Variants in DMXL1 observed in about 807,000 individuals in gnomAD.
DMXL1 encodes Dmx like 1, also known as dmX-like protein 1.
DMXL1 carries 99 observed loss-of-function variants against 319.2 expected under a neutral mutation model. The observed-to-expected ratio is 0.31, with a 90% CI of 0.26 to 0.37. DMXL1 has a LOEUF of 0.37. Among genes scored for constraint, DMXL1 ranks in the 10% least tolerant of loss-of-function variants. DMXL1 has a pLI of 1.00. For synonymous variants in DMXL1, 1,385 were observed against 1,235.2 expected (o/e 1.12, Z -2.54); for missense variants, 3,745 against 3,595.6 (o/e 1.04, Z -1.06).
intron 41 of DMXL1, 105 bp downstream of exon 41, chr5:119,239,185 CA>C (rs1244826715): frequency 3.4e-6 from 4 of 1,176,004 alleles, no homozygotes; most frequent in Middle Eastern, 2.3e-4. Context: ...GCTTTAGATA[CA>C]GTATTTTTAT....
intron 1 of DMXL1, among the ~76,000 whole-genome samples, chr5:119,091,713 CTAAAGTGAGGAGAT>C (rs1754835576): frequency 1.3e-5 from 2 of 152,106 alleles, no homozygotes; most frequent in African/African-American, 4.8e-5. Flanking sequence ...GCTGCCGTTC[CTAAAGTGAGGAGAT>C]CCCACAGGAG....
intron 34 of DMXL1, among the ~76,000 whole-genome samples, 160 bp downstream of exon 34, chr5:119,207,056 T>G (rs1048986628): frequency 6.6e-6 from 1 of 152,226 alleles, no homozygotes; most frequent in Admixed American, 6.5e-5. Context: ...ATACTGCAGT[T>G]GTAAAAGTGG....
At chr5:119,135,126 A>C (rs1462476686) in intron 13 of DMXL1, among the ~76,000 whole-genome samples, 1 of 152,194 alleles carries the variant, frequency 6.6e-6, no homozygotes, top group Non-Finnish European at 1.5e-5. Flanking sequence ...TGCAGAACAC[A>C]AGGTTTTCCA....
chr5:119,120,211 G>C (rs1761746686), intron 8 of DMXL1, among the ~76,000 whole-genome samples: 1 of 152,180 alleles, frequency 6.6e-6, no homozygotes, highest in Admixed American at 6.6e-5. Context: ...GAAAACAGAA[G>C]TGATTTTGAA....
At chr5:119,210,874 C>G (rs1304210910) in intron 34 of DMXL1, among the ~76,000 whole-genome samples, 1 of 144,058 alleles carries the variant, frequency 6.9e-6, no homozygotes, top group East Asian at 2.2e-4. Context: ...GGAAAGCAGT[C>G]TTTTATTATT....
At chr5:119,082,725 A>T (rs906007735) in intron 1 of DMXL1, among the ~76,000 whole-genome samples, 1 of 152,244 alleles carries the variant, frequency 6.6e-6, no homozygotes, top group African/African-American at 2.4e-5. Flanking sequence ...TGCTAGAACT[A>T]TTTGAATTCG....
At position 119,208,801 on chromosome 5, in the gene DMXL1, C is replaced by T. The variant is rs572231350; in HGVS notation, c.7926+1905C>T. On this transcript the variant is annotated intron_variant, in intron 34 of 43. Coordinates refer to ENST00000539542, the MANE Select transcript of DMXL1 (RefSeq NM_001290321.3). ...TACACTAGCGAAGCCATCACCACAACCAGGATAATGATTATATCCATCAGT... is the reference window on the plus strand; with the variant it reads ...TACACTAGCGAAGCCATCACCACAATCAGGATAATGATTATATCCATCAGT... Among the ~76,000 whole-genome samples the T allele has an allele frequency of 2.2e-4, 34 of 152,288 alleles. No individual in the cohort carries two copies. The East Asian group carries it at 6.2e-3, about 28-fold the overall frequency.
Position 119,244,421 on chromosome 5 carries a change from A to G in DMXL1, c.8767A>G (p.Ile2923Val). 6.2e-7 allele frequency: 1 copy of G among 1,614,162 alleles called. No homozygotes were observed. Among genetic ancestry groups the G allele is most frequent in the Non-Finnish European group, 8.5e-7 (1 of 1,180,022 alleles). The part of the protein sequence containing the change: ...LAYAPKHQLL[I>V]SGGRKGFTYV... ...ATATGCTCCAAAACATCAGCTACTAATATCAGGTGGCAGAAAAGGTTTTAC... is the reference window on the plus strand; with the variant it reads ...ATATGCTCCAAAACATCAGCTACTAGTATCAGGTGGCAGAAAAGGTTTTAC... Residue 2923 changes from isoleucine (I) to valine (V), a missense_variant, in exon 43 of 44, where the codon ATA (isoleucine) becomes GTA (valine). Coordinates refer to ENST00000539542, the MANE Select transcript of DMXL1 (RefSeq NM_001290321.3).
At chr5:119,101,888 A>C (rs1487311725) in intron 2 of DMXL1, 47 bp from the exon 3 acceptor site, 1 of 1,274,638 alleles carries the variant, frequency 7.8e-7, no homozygotes, top group Non-Finnish European at 1.1e-6. Context: ...TTTGATTCAT[A>C]AGTAAGTTAA....
At chr5:119,087,974 G>A (rs1271959943) in intron 1 of DMXL1, among the ~76,000 whole-genome samples, 1 of 151,840 alleles carries the variant, frequency 6.6e-6, no homozygotes, top group Non-Finnish European at 1.5e-5. Flanking sequence ...GCTAATTTTT[G>A]TATTTTTAGT....
At chr5:119,098,750 A>G (rs1167871292) in intron 2 of DMXL1, among the ~76,000 whole-genome samples, 1 of 152,230 alleles carries the variant, frequency 6.6e-6, no homozygotes, top group Non-Finnish European at 1.5e-5. Context: ...GCAAGGCAGC[A>G]TAATATATAG....
intron 27 of DMXL1, 93 bp from the exon 28 acceptor site, chr5:119,177,903 A>C: frequency 8.5e-7 from 1 of 1,175,254 alleles, no homozygotes; most frequent in Non-Finnish European, 1.2e-6. Context: ...TCCTGATGCA[A>C]TACATTTTTT....
chr5:119,148,083 G>A (rs1429448651), intron 17 of DMXL1, among the ~76,000 whole-genome samples: 1 of 152,076 alleles, frequency 6.6e-6, no homozygotes, highest in Non-Finnish European at 1.5e-5. Context: ...ACAAATTAAG[G>A]CTTATGTTTT....
rs1342972238 is a variant in DMXL1 at position 119,149,935 on chromosome 5, C to G, written c.4108C>G (p.Arg1370Gly). 6.2e-7 allele frequency: 1 copy of G among 1,613,736 alleles called. No individual in the cohort carries two copies. Among genetic ancestry groups the G allele is most frequent in the African/African-American group, 1.3e-5 (1 of 74,868 alleles). ...LNEAESNHER[R>G]LRSLTISASG... The stretch of plus-strand genomic sequence containing the variant: ...TGAAGCTGAATCTAATCATGAACGC[C>G]GCCTTAGGTCTCTCACAATCAGTGC... The change falls in exon 18 of 44, where the codon CGC becomes GGC. Residue 1370 changes from arginine (R) to glycine (G), a missense_variant. Around this residue, in one of 4 missense-constraint regions of DMXL1, gnomAD observed 2,096 missense variants for 1,985.4 expected, o/e 1.06. Coordinates refer to ENST00000539542, the MANE Select transcript of DMXL1 (RefSeq NM_001290321.3).
intron 34 of DMXL1, among the ~76,000 whole-genome samples, chr5:119,210,095 C>G (rs757683233): frequency 2.0e-5 from 3 of 152,036 alleles, no homozygotes; most frequent in Non-Finnish European, 2.9e-5. Flanking sequence ...CAGGTGTGCA[C>G]TAACACACCC....
intron 32 of DMXL1, among the ~76,000 whole-genome samples, chr5:119,199,610 G>C (rs1009007667): frequency 1.3e-5 from 2 of 152,142 alleles, no homozygotes; most frequent in Admixed American, 6.6e-5. Context: ...TCAAATGATA[G>C]TTCTGTTTTT....
chr5:119,148,426 G>A (rs1057065009), intron 17 of DMXL1, among the ~76,000 whole-genome samples: 4 of 152,116 alleles, frequency 2.6e-5, no homozygotes, highest in Admixed American at 2.0e-4. Context: ...TTAGGCCCAA[G>A]ATGTTTAACC....
chr5:119,226,913 C>T (rs569051750), intron 38 of DMXL1, among the ~76,000 whole-genome samples: 70 of 152,174 alleles, frequency 4.6e-4, no homozygotes, highest in Non-Finnish European at 8.1e-4. Context: ...AGCTTCTCTC[C>T]CCTTGGAGTT....
At chr5:119,120,889 G>T (rs111781890) in intron 8 of DMXL1, 82 bp from the exon 9 acceptor site, 2 of 1,142,612 alleles carry the variant, frequency 1.8e-6, no homozygotes, top group African/African-American at 3.2e-5. Flanking sequence ...TAGGATATAT[G>T]TAACTTCTGA....
Sources: gnomAD v4.1 joint callset for allele counts (sites outside exome capture counted in the v4.1 genomes callset) on GRCh38, gnomAD v4.1.1 for gene constraint, gnomAD v4.1.1 regional missense constraint, MANE v1.5 for transcripts, NCBI Gene and HGNC (gene_info 2026-07-23, HGNC 2026-07-21) for gene names.